Variants in KATNIP observed in about 807,000 individuals in gnomAD.
The protein encoded by KATNIP is katanin-interacting protein.
KATNIP carries 126 observed loss-of-function variants against 174.0 expected under a neutral mutation model. The ratio of observed to expected loss-of-function variants is 0.72; its 90% CI spans 0.63 to 0.84. KATNIP has a LOEUF of 0.84. KATNIP is among the 40% of genes least tolerant of loss of function. KATNIP has a pLI of 0.00. For synonymous variants in KATNIP, 810 were observed against 835.7 expected (o/e 0.97, Z 0.53); for missense variants, 1,958 against 2,109.7 (o/e 0.93, Z 1.41).
chr16:27,585,898 T>C (rs967083976), intron 2 of KATNIP, among the ~76,000 whole-genome samples: 6 of 151,916 alleles, frequency 3.9e-5, no homozygotes, highest in African/African-American at 1.5e-4. Context: ...GGTCAGGAGT[T>C]CCAGATCAGC....
chr16:27,769,815 A>C (rs775157160), intron 20 of KATNIP, 46 bp from the exon 21 acceptor site: 1 of 1,601,948 alleles, frequency 6.2e-7, no homozygotes, highest in African/African-American at 1.3e-5. Flanking sequence ...TTCTGTCCCC[A>C]CATGGCCTGC....
chr16:27,618,329 C>T (rs1440516908), intron 2 of KATNIP, 96 bp from the exon 3 acceptor site: 11 of 946,832 alleles, frequency 1.2e-5, no homozygotes, highest in Non-Finnish European at 1.9e-5. Context: ...TCAGCCTCCG[C>T]CTCTCAGCCT....
intron 8 of KATNIP, among the ~76,000 whole-genome samples, chr16:27,689,229 A>G (rs2078629640): frequency 6.6e-6 from 1 of 152,228 alleles, no homozygotes; most frequent in Non-Finnish European, 1.5e-5. Context: ...CAGCCTGGCC[A>G]ACATGTCAGA....
Position 27,721,459 on chromosome 16 carries a change from G to A in KATNIP, c.1606-99G>A, listed in dbSNP as rs2080237647. 3 of 1,434,810 alleles carry A rather than the reference G, an allele frequency of 2.1e-6. No individual in the cohort carries two copies. The South Asian group carries it at 3.5e-5, about 17-fold the overall frequency. 88.9% of individuals were successfully genotyped at this position (1,434,810 alleles called of 1,614,324 possible). ...GCTGTCTGCCCTGAGCCCTCACCAG[G>A]CCTCTCCTGGTTTTCGTGAGCCAAA... On this transcript the variant is annotated intron_variant, in intron 13 of 27. Coordinates refer to ENST00000261588, the MANE Select transcript of KATNIP (RefSeq NM_015202.5).
intron 22 of KATNIP, among the ~76,000 whole-genome samples, chr16:27,772,579 C>G (rs77583762): frequency 1.3e-5 from 2 of 152,244 alleles, no homozygotes; most frequent in Non-Finnish European, 1.5e-5. Context: ...TGCCCCGGCC[C>G]ATGGCCCCTG....
intron 6 of KATNIP, among the ~76,000 whole-genome samples, chr16:27,653,429 C>T (rs1265483977): frequency 1.3e-5 from 2 of 151,940 alleles, no homozygotes; most frequent in Non-Finnish European, 2.9e-5. Context: ...CCAACCCTGC[C>T]CCCAGCCAGA....
Position 27,637,095 on chromosome 16 carries a change from G to A in KATNIP, c.408+5933G>A, listed in dbSNP as rs1379926488. Among the ~76,000 whole-genome samples, 3 of 152,224 alleles carry A rather than the reference G, an allele frequency of 2.0e-5. No homozygotes were observed. The highest frequency in any genetic ancestry group is 7.2e-5 in the African/African-American group (3 of 41,462). ...ATGGTAATTAATGAGGGCAATTAATGAGGATCAGTGGGGTCTGTGTTTGGA... is the reference window on the plus strand; with the variant it reads ...ATGGTAATTAATGAGGGCAATTAATAAGGATCAGTGGGGTCTGTGTTTGGA... On this transcript the variant is annotated intron_variant, in intron 5 of 27. Coordinates refer to ENST00000261588, the MANE Select transcript of KATNIP (RefSeq NM_015202.5). This position sits in a 1 kb window ranked among gnomAD's most constrained non-coding sequence, Gnocchi z 4.7.
chr16:27,594,662 A>G (rs1567472717), intron 2 of KATNIP, among the ~76,000 whole-genome samples: 1 of 152,090 alleles, frequency 6.6e-6, no homozygotes, highest in Non-Finnish European at 1.5e-5. Context: ...TGTCTTGCCT[A>G]GGCTGGTCTT....
rs1226593275 is a variant in KATNIP at position 27,777,427 on chromosome 16, C to T, written c.4552-183C>T. Among the ~76,000 whole-genome samples, 1 of 152,202 alleles carries T rather than the reference C, an allele frequency of 6.6e-6. No homozygotes were observed. Among genetic ancestry groups the T allele is most frequent in the Non-Finnish European group, 1.5e-5 (1 of 68,042 alleles). ...CTGCAATGCATGCTGATAGCTCCTGCCTTTCCCAATGGTTGTGAAGATCTG... is the reference window on the plus strand; with the variant it reads ...CTGCAATGCATGCTGATAGCTCCTGTCTTTCCCAATGGTTGTGAAGATCTG... On this transcript the variant is annotated intron_variant, in intron 25 of 27. Transcript: ENST00000261588. The surrounding 1 kb of genome is among the most constrained non-coding windows in gnomAD (Gnocchi z 4.4).
chr16:27,613,001 A>G (rs1024563492), intron 2 of KATNIP, among the ~76,000 whole-genome samples: 3 of 151,976 alleles, frequency 2.0e-5, no homozygotes, highest in Non-Finnish European at 4.4e-5. Flanking sequence ...GCGCACGCCT[A>G]TAATCTAAGA....
chr16:27,593,080 T>C (rs1321632526), intron 2 of KATNIP, among the ~76,000 whole-genome samples: 1 of 152,148 alleles, frequency 6.6e-6, no homozygotes, highest in African/African-American at 2.4e-5. Flanking sequence ...TATCTACCTC[T>C]CTGCTTCTGT....
rs867217385 is a variant in KATNIP at position 27,776,804 on chromosome 16, G to A, written c.4450-124G>A. On this transcript the variant is annotated intron_variant, in intron 24 of 27. Transcript: ENST00000261588. The surrounding 1 kb of genome is among the most constrained non-coding windows in gnomAD (Gnocchi z 4.7). ...TGAAAGGGGGCGGAACTCCAGGCTGGCCCACGTGGCAGGCGCTGCCTTGGG... is the reference window on the plus strand; with the variant it reads ...TGAAAGGGGGCGGAACTCCAGGCTGACCCACGTGGCAGGCGCTGCCTTGGG... 5.8e-5 allele frequency: 40 copies of A among 684,038 alleles called. No homozygotes were observed. The highest frequency in any genetic ancestry group is 4.1e-4 in the Middle Eastern group (1 of 2,440). 42.4% of individuals were successfully genotyped at this position (684,038 alleles called of 1,614,324 possible).
chr16:27,759,856 G>A (rs992452604), intron 18 of KATNIP, among the ~76,000 whole-genome samples: 1 of 152,192 alleles, frequency 6.6e-6, no homozygotes. Context: ...GCAGGGACAC[G>A]GGATGGGACG....
chr16:27,558,887 A>G (rs2089737826), intron 1 of KATNIP, among the ~76,000 whole-genome samples: 1 of 152,142 alleles, frequency 6.6e-6, no homozygotes, highest in Non-Finnish European at 1.5e-5. Flanking sequence ...ACTCAGTCGA[A>G]TAAGGTCTAC....
chr16:27,689,859 G>A (rs1031243553), intron 8 of KATNIP, among the ~76,000 whole-genome samples: 3 of 152,120 alleles, frequency 2.0e-5, no homozygotes, highest in African/African-American at 7.2e-5. Flanking sequence ...TTGTCCTGAG[G>A]ACCTTGGCTA....
intron 1 of KATNIP, among the ~76,000 whole-genome samples, chr16:27,561,616 A>G (rs1242337526): frequency 6.6e-6 from 1 of 152,210 alleles, no homozygotes; most frequent in Non-Finnish European, 1.5e-5. Flanking sequence ...AGGAAGTCAG[A>G]GCGCTACAGA....
chr16:27,767,531 G>T (rs1008811126), intron 20 of KATNIP, among the ~76,000 whole-genome samples: 5 of 152,132 alleles, frequency 3.3e-5, no homozygotes, highest in Admixed American at 1.3e-4. Flanking sequence ...ACCAGCCTGG[G>T]CAATACAGAG....
chr16:27,564,467 G>A (rs1467324115), intron 1 of KATNIP, among the ~76,000 whole-genome samples: 4 of 152,062 alleles, frequency 2.6e-5, no homozygotes, highest in Admixed American at 2.6e-4. Flanking sequence ...CCAAGCAAAT[G>A]CGCGTTAACG....
rs759531126 is a variant in KATNIP, at chr16:27,777,667, G to A, written c.4609G>A (p.Val1537Met). 1.9e-6 allele frequency: 3 copies of A among 1,613,872 alleles called. No individual in the cohort carries two copies. Among genetic ancestry groups the A allele is most frequent in the Non-Finnish European group, 2.5e-6 (3 of 1,179,962 alleles). The stretch of plus-strand genomic sequence containing the variant: ...GATCCTGGCCATGGTGAGCCACCTG[G>A]TGGGGGGCATCCTGCCCACATGTGA... ...NGILAMVSHL[V>M]GGILPTCEPT... Residue 1537 changes from valine to methionine, a missense_variant, in exon 26 of 28, where the codon GTG becomes ATG. Around this residue, in one of 3 missense-constraint regions of KATNIP, gnomAD observed 383 missense variants for 456.0 expected, o/e 0.84. Transcript: ENST00000261588. The surrounding 1 kb of genome is among the most constrained non-coding windows in gnomAD (Gnocchi z 4.4).
Sources: gnomAD v4.1 joint callset for allele counts (sites outside exome capture counted in the v4.1 genomes callset) on GRCh38, gnomAD v4.1.1 for gene constraint, gnomAD v4.1.1 regional missense constraint, Gnocchi (gnomAD v3.1) non-coding constraint, MANE v1.5 for transcripts, NCBI Gene and HGNC (gene_info 2026-07-23, HGNC 2026-07-21) for gene names.